Variants in BACE2 observed in about 807,000 individuals in gnomAD.
BACE2 encodes the protein beta-secretase 2, also known as 56 kDa aspartic-like protease.
Under a neutral mutation model 46.2 loss-of-function variants are expected in BACE2, and 17 were observed. That is an observed-to-expected ratio of 0.37 (90% CI 0.25 to 0.55). BACE2 has a LOEUF of 0.55. Among genes scored for constraint, BACE2 ranks in the 20% least tolerant of loss-of-function variants. The probability of loss-of-function intolerance (pLI) is 0.82; values close to 1 mark genes in which losing one functional copy is unlikely to be tolerated. For missense variants in BACE2, 595 were observed against 698.1 expected (o/e 0.85, Z 1.66); for synonymous variants, 277 against 295.9 (o/e 0.94, Z 0.66).
At chr21:41,242,144 A>G (rs1309087802) in intron 4 of BACE2, among the ~76,000 whole-genome samples, 197 bp downstream of exon 4, 2 of 152,034 alleles carry the variant, frequency 1.3e-5, no homozygotes, top group African/African-American at 2.4e-5. Flanking sequence ...TGCCATCTGG[A>G]AGGATGATTC....
chr21:41,268,506 G>A (rs76662454), intron 8 of BACE2, among the ~76,000 whole-genome samples: 193 of 152,310 alleles, frequency 1.3e-3, no homozygotes, highest in Non-Finnish European at 2.0e-3. Flanking sequence ...CAGCTAGTTA[G>A]CAAATATGAG....
chr21:41,186,080 G>A (rs1985364293), intron 1 of BACE2: 1 of 152,306 alleles, frequency 6.6e-6, no homozygotes, highest in Non-Finnish European at 1.5e-5. Flanking sequence ...CTAAACCGTG[G>A]GGAACTGACC....
Position 41,241,912 on chromosome 21 carries a change from C to T in BACE2, c.712C>T (p.Pro238Ser), listed in dbSNP as rs766985466. 2 of 1,614,116 alleles carry T rather than the reference C, an allele frequency of 1.2e-6. No individual in the cohort carries two copies. The highest frequency in any genetic ancestry group is 2.2e-5 in the South Asian group (2 of 91,078). ...FSMQMCGAGL[P>S]VAGSGTNGGS... ...CATGCAGATGTGTGGAGCCGGCTTGCCCGTTGCTGGATCTGGGACCAACGG... is the reference window on the plus strand; with the variant it reads ...CATGCAGATGTGTGGAGCCGGCTTGTCCGTTGCTGGATCTGGGACCAACGG... The change falls in exon 4 of 9, where the codon CCC (proline) becomes TCC (serine). Residue 238 changes from proline to serine, a missense_variant. Pro to Ser is a moderately conservative substitution (Grantham distance 74, BLOSUM62 -1). Coordinates refer to ENST00000330333, the MANE Select transcript of BACE2 (RefSeq NM_012105.5).
intron 1 of BACE2, among the ~76,000 whole-genome samples, chr21:41,198,849 T>A (rs765854192): frequency 2.9e-5 from 4 of 140,038 alleles, no homozygotes; most frequent in Non-Finnish European, 6.0e-5. Context: ...TCTGTACGCT[T>A]TTTATTTATT....
At chr21:41,268,988 C>T in intron 8 of BACE2, among the ~76,000 whole-genome samples, 1 of 151,662 alleles carries the variant, frequency 6.6e-6, no homozygotes, top group East Asian at 1.9e-4. Context: ...GAGCTTTGCT[C>T]TTTTTGCCCA....
chr21:41,171,894 C>G (rs1984623254), intron 1 of BACE2, among the ~76,000 whole-genome samples: 1 of 152,198 alleles, frequency 6.6e-6, no homozygotes, highest in East Asian at 1.9e-4. Context: ...TTGGCGAATC[C>G]TATTTTAATC....
intron 1 of BACE2, chr21:41,178,448 A>G (rs1036585609): frequency 6.6e-6 from 1 of 152,268 alleles, no homozygotes; most frequent in African/African-American, 2.4e-5. Flanking sequence ...TTTCTTCGGC[A>G]CATTGGCTGG....
Position 41,226,363 on chromosome 21 carries a change from T to A in BACE2, c.401+9T>A. ...TACTTTGACACAGAGAGGTAAGCGC[T>A]GGCCCCTTGGCTGGTGTGCTGGGCC... On this transcript the variant is annotated intron_variant, in intron 2 of 8. Transcript: ENST00000330333. The A allele has an allele frequency of 6.2e-7, 1 of 1,609,884 alleles. No individual in the cohort carries two copies. Among genetic ancestry groups the A allele is most frequent in the Non-Finnish European group, 8.5e-7 (1 of 1,178,666 alleles).
intron 1 of BACE2, chr21:41,183,815 C>T (rs1985241374): frequency 6.0e-6 from 1 of 167,062 alleles, no homozygotes; most frequent in Non-Finnish European, 1.5e-5. Flanking sequence ...TGTTCTCTCT[C>T]ACCAGAGCAG....
In BACE2 at chr21:41,257,185, G is replaced by A. The variant is rs1454840743; in HGVS notation, c.1162G>A (p.Gly388Ser). 13 of 1,613,992 alleles carry A rather than the reference G, an allele frequency of 8.1e-6. No individual in the cohort carries two copies. Among genetic ancestry groups the A allele is most frequent in the African/African-American group, 1.3e-5 (1 of 74,894 alleles). The change falls in exon 8 of 9, where the codon GGC (glycine) becomes AGC (serine). Residue 388 changes from glycine (G) to serine (S), a missense_variant. By Grantham distance (56) the Gly-to-Ser change is moderately conservative (BLOSUM62 0). Around this residue, in one of 3 missense-constraint regions of BACE2, gnomAD observed 343 missense variants for 419.4 expected, o/e 0.82. Transcript: ENST00000330333. ...TTACATTCAGCCCATGATGGGGGCC[G>A]GCCTGAATTATGAATGTTACCGATT... The part of the protein sequence containing the change: ...QLYIQPMMGA[G>S]LNYECYRFGI...
At chr21:41,176,323 T>A (rs1255439453) in intron 1 of BACE2, 1 of 152,210 alleles carries the variant, frequency 6.6e-6, no homozygotes, top group Non-Finnish European at 1.5e-5. Flanking sequence ...CGTTGCTTCT[T>A]TCCCCAAACC....
At chr21:41,252,792 A>G (rs1011740594) in intron 7 of BACE2, among the ~76,000 whole-genome samples, 2 of 152,254 alleles carry the variant, frequency 1.3e-5, no homozygotes, top group Non-Finnish European at 2.9e-5. Context: ...TTCAGGAGAA[A>G]AAAAGTAAAT....
intron 2 of BACE2, among the ~76,000 whole-genome samples, chr21:41,235,595 G>A (rs1987093444): frequency 6.6e-6 from 1 of 152,216 alleles, no homozygotes; most frequent in Non-Finnish European, 1.5e-5. Flanking sequence ...CCAGCATTTT[G>A]GGAGGCTAAG....
At chr21:41,189,268 T>C (rs1435937580) in intron 1 of BACE2, among the ~76,000 whole-genome samples, 1 of 152,116 alleles carries the variant, frequency 6.6e-6, no homozygotes, top group Admixed American at 6.6e-5. Context: ...GTCTGAGAAA[T>C]TGTCTAGTAA....
chr21:41,215,070 C>T (rs36014366), intron 1 of BACE2, among the ~76,000 whole-genome samples: 5 of 152,040 alleles, frequency 3.3e-5, no homozygotes, highest in Non-Finnish European at 5.9e-5. Context: ...CAGAGATGAC[C>T]GTGGGCCTGG....
intron 1 of BACE2, among the ~76,000 whole-genome samples, chr21:41,215,215 A>AG (rs1568870891): frequency 6.6e-6 from 1 of 152,188 alleles, no homozygotes; most frequent in African/African-American, 2.4e-5. Flanking sequence ...TTGACCGCAA[A>AG]GGGGGAAGGA....
At chr21:41,271,407 A>C (rs946913827) in intron 8 of BACE2, among the ~76,000 whole-genome samples, 16 of 152,200 alleles carry the variant, frequency 1.1e-4, no homozygotes, top group African/African-American at 3.9e-4. Flanking sequence ...AGCTAACCTA[A>C]AAAGCTTAAC....
At chr21:41,267,904 G>A (rs182096595) in intron 8 of BACE2, among the ~76,000 whole-genome samples, 18 of 152,214 alleles carry the variant, frequency 1.2e-4, no homozygotes, top group Admixed American at 3.3e-4. Flanking sequence ...TCAGTGTGGC[G>A]GGACAGTTCT....
intron 1 of BACE2, among the ~76,000 whole-genome samples, chr21:41,192,257 C>T (rs9980345): frequency 0.22 from 33,027 of 152,120 alleles, 5,122 homozygotes; most frequent in African/African-American, 0.44. Flanking sequence ...GAACTCCCCA[C>T]GAAGCCATCA....
Sources: allele counts gnomAD v4.1 joint callset (sites outside exome capture counted in the v4.1 genomes callset), GRCh38; gene constraint gnomAD v4.1.1; regional missense constraint gnomAD v4.1.1; transcripts MANE v1.5; gene names NCBI Gene and HGNC (gene_info 2026-07-23, HGNC 2026-07-21).